SV2C: variants seen among roughly 807,000 people sequenced by gnomAD.
SV2C encodes solute carrier family 22 member B3.
In SV2C, 49 loss-of-function variants were observed where a neutral mutation model predicts 79.7. That is an observed-to-expected ratio of 0.61 (90% CI 0.49 to 0.78). The LOEUF (loss-of-function observed/expected upper bound fraction) is 0.78, where lower values mean the gene tolerates loss of function less well. SV2C is among the 30% of genes least tolerant of loss of function. The pLI is 0.00. For synonymous variants in SV2C, 334 were observed against 333.2 expected (o/e 1.00, Z -0.03); for missense variants, 833 against 912.9 (o/e 0.91, Z 1.13).
the SV2C span, among the ~76,000 whole-genome samples, chr5:76,040,791 A>G: frequency 6.6e-6 from 1 of 152,198 alleles, no homozygotes. Context: ...AGTGCTGGCT[A>G]CCTTGAGTAG....
At chr5:76,315,188 G>GCACACACACACA (rs10606819) in intron 12 of SV2C, among the ~76,000 whole-genome samples, 1 of 145,096 alleles carries the variant, frequency 6.9e-6, no homozygotes, top group South Asian at 2.2e-4. Flanking sequence ...ATGGCCAGGC[G>GCACACACACACA]CACACACACA....
chr5:75,935,758 T>G, the SV2C span, among the ~76,000 whole-genome samples: 5 of 152,200 alleles, frequency 3.3e-5, no homozygotes, highest in African/African-American at 1.2e-4. Context: ...TCAGAGAGAT[T>G]GTTATTAGTG....
At chr5:75,941,903 A>C in the SV2C span, among the ~76,000 whole-genome samples, 3 of 152,202 alleles carry the variant, frequency 2.0e-5, no homozygotes, top group Admixed American at 6.5e-5. Flanking sequence ...ACCCTGGAGA[A>C]AGGAATGCTG....
chr5:76,010,222 T>C, the SV2C span, among the ~76,000 whole-genome samples: 29,008 of 151,936 alleles, frequency 0.19, 3,122 homozygotes, highest in East Asian at 0.44. Context: ...CCTCTCTCCC[T>C]AGGCTCTTCC....
the SV2C span, among the ~76,000 whole-genome samples, chr5:75,984,598 C>CTATCTACCTATCTATCTAT: frequency 1.2e-5 from 1 of 82,430 alleles, no homozygotes; most frequent in Non-Finnish European, 3.2e-5. Context: ...TATCTATCTA[C>CTATCTACCTATCTATCTAT]CTATCTATCT....
intron 12 of SV2C, among the ~76,000 whole-genome samples, chr5:76,313,775 T>C (rs1283701912): frequency 6.6e-6 from 1 of 152,174 alleles, no homozygotes; most frequent in Admixed American, 6.5e-5. Flanking sequence ...TGGAGGACGC[T>C]TGTATGTTCA....
chr5:75,867,377 C>G, the SV2C span, among the ~76,000 whole-genome samples: 3 of 152,134 alleles, frequency 2.0e-5, no homozygotes, highest in Non-Finnish European at 2.9e-5. Flanking sequence ...GGACAGAGGA[C>G]AGTAGGCGGA....
At chr5:76,122,242 G>T (rs1475562557) in intron 1 of SV2C, among the ~76,000 whole-genome samples, 5 of 151,584 alleles carry the variant, frequency 3.3e-5, no homozygotes, top group Non-Finnish European at 2.9e-5. Flanking sequence ...CTTTGCTGAA[G>T]TTGCTTATCA....
the SV2C span, among the ~76,000 whole-genome samples, chr5:75,953,467 C>T: frequency 1.2e-3 from 176 of 152,110 alleles, no homozygotes; most frequent in Middle Eastern, 3.4e-3. Context: ...TTTTCAGCCT[C>T]ACCATACGTA....
At chr5:76,171,654 G>C in intron 2 of SV2C, among the ~76,000 whole-genome samples, 1 of 146,208 alleles carries the variant, frequency 6.8e-6, no homozygotes, top group Non-Finnish European at 1.5e-5. Flanking sequence ...CCATCCGGGA[G>C]GGAGGTGGGG....
At chr5:76,130,316 A>G (rs556806623) in intron 1 of SV2C, among the ~76,000 whole-genome samples, 4 of 152,274 alleles carry the variant, frequency 2.6e-5, no homozygotes, top group South Asian at 2.1e-4. Flanking sequence ...TGTTTTGCCT[A>G]CTGGGCATTT....
intron 4 of SV2C, among the ~76,000 whole-genome samples, chr5:76,259,132 C>T (rs549168743): frequency 1.3e-5 from 2 of 152,300 alleles, no homozygotes; most frequent in African/African-American, 2.4e-5. Context: ...TAAGGCTGCT[C>T]TCTGAAAATT....
At chr5:75,965,134 G>A in the SV2C span, among the ~76,000 whole-genome samples, 1 of 152,050 alleles carries the variant, frequency 6.6e-6, no homozygotes, top group African/African-American at 2.4e-5. Flanking sequence ...TTATGACCAG[G>A]AGCACATTCA....
chr5:75,983,739 C>T, the SV2C span, among the ~76,000 whole-genome samples: 1 of 152,086 alleles, frequency 6.6e-6, no homozygotes, highest in Admixed American at 6.6e-5. Flanking sequence ...TTCCTTGTAT[C>T]TGCGCCCTGT....
At chr5:75,961,619 A>T in the SV2C span, among the ~76,000 whole-genome samples, 2 of 145,566 alleles carry the variant, frequency 1.4e-5, no homozygotes, top group Non-Finnish European at 2.9e-5. Context: ...CTGAAATTCA[A>T]TTTCTGTTTT....
the SV2C span, among the ~76,000 whole-genome samples, chr5:75,931,428 T>C: frequency 6.6e-6 from 1 of 152,236 alleles, no homozygotes; most frequent in Non-Finnish European, 1.5e-5. Flanking sequence ...GAATACTATG[T>C]TTCAAGGTGG....
At chr5:76,186,676 AGTGAGACCTTATCT>A (rs1403283886) in intron 2 of SV2C, among the ~76,000 whole-genome samples, 3 of 107,954 alleles carry the variant, frequency 2.8e-5, no homozygotes, top group Non-Finnish European at 5.7e-5. Flanking sequence ...TGGGCAACAA[AGTGAGACCTTATCT>A]CAAACAAACA....
chr5:76,241,661 G>T (rs187182937), intron 4 of SV2C, among the ~76,000 whole-genome samples: 13,180 of 148,212 alleles, frequency 0.089, 1,788 homozygotes, highest in African/African-American at 0.3. Flanking sequence ...TGCTGAAAGA[G>T]GGAAAGGGAG....
chr5:76,149,965 T>C (rs2112226945), intron 2 of SV2C, among the ~76,000 whole-genome samples: 1 of 152,324 alleles, frequency 6.6e-6, no homozygotes, highest in Middle Eastern at 3.4e-3. Context: ...AATGGTTTTA[T>C]TGAGAGTAGC....
Sources: allele counts gnomAD v4.1 joint callset (sites outside exome capture counted in the v4.1 genomes callset), GRCh38; gene constraint gnomAD v4.1.1; transcripts MANE v1.5; gene names NCBI Gene and HGNC (gene_info 2026-07-23, HGNC 2026-07-21).